CSNK1G1: variants seen among roughly 807,000 people sequenced by gnomAD.
The protein encoded by CSNK1G1 is casein kinase 1 gamma 1.
CSNK1G1 carries 22 observed loss-of-function variants against 59.6 expected under a neutral mutation model. The observed-to-expected ratio is 0.37, with a 90% CI of 0.26 to 0.53. CSNK1G1 has a LOEUF of 0.53. CSNK1G1 is among the 20% of genes least tolerant of loss of function. The probability of loss-of-function intolerance (pLI) is 0.89; values close to 1 mark genes in which losing one functional copy is unlikely to be tolerated. For synonymous variants in CSNK1G1, 179 were observed against 177.1 expected (o/e 1.01, Z -0.08); for missense variants, 384 against 519.5 (o/e 0.74, Z 2.54).
chr15:64,297,653 T>C (rs564286920), intron 2 of CSNK1G1, among the ~76,000 whole-genome samples: 5 of 151,582 alleles, frequency 3.3e-5, no homozygotes, highest in Middle Eastern at 3.4e-3. Context: ...GCTATGATCA[T>C]GCCACTGCAC....
chr15:64,259,485 C>T (rs1892574200), intron 2 of CSNK1G1, among the ~76,000 whole-genome samples: 1 of 82,054 alleles, frequency 1.2e-5, no homozygotes, highest in African/African-American at 6.7e-5. Context: ...ATCTCTCTTA[C>T]ACACACACAC....
At chr15:64,183,508 T>C (rs2081847976) in intron 10 of CSNK1G1, among the ~76,000 whole-genome samples, 1 of 152,176 alleles carries the variant, frequency 6.6e-6, no homozygotes, top group South Asian at 2.1e-4. Context: ...ACAAACACTG[T>C]GTAAGTGATG....
At chr15:64,219,047 G>A (rs1027806128) in intron 4 of CSNK1G1, among the ~76,000 whole-genome samples, 5 of 151,578 alleles carry the variant, frequency 3.3e-5, no homozygotes, top group Admixed American at 1.3e-4. Context: ...TAGAGACAGC[G>A]TTCCCCCATG....
At chr15:64,278,377 CGT>C (rs56064136) in intron 2 of CSNK1G1, among the ~76,000 whole-genome samples, 16,214 of 111,270 alleles carry the variant, frequency 0.15, 1,163 homozygotes, top group Middle Eastern at 0.22. Flanking sequence ...CATGTATGTG[CGT>C]GTGTGTGTGT....
At chr15:64,180,732 T>A (rs958282949) in intron 10 of CSNK1G1, among the ~76,000 whole-genome samples, 1 of 152,246 alleles carries the variant, frequency 6.6e-6, no homozygotes, top group Non-Finnish European at 1.5e-5. Context: ...AAAAATCTTA[T>A]GAAATAGGTT....
intron 10 of CSNK1G1, among the ~76,000 whole-genome samples, chr15:64,182,312 G>A (rs1441203680): frequency 6.6e-6 from 1 of 151,964 alleles, no homozygotes; most frequent in Non-Finnish European, 1.5e-5. Context: ...ACCTCAGGTT[G>A]TCCACCTGCC....
At chr15:64,317,203 T>G (rs756129702) in intron 1 of CSNK1G1, among the ~76,000 whole-genome samples, 21 of 152,236 alleles carry the variant, frequency 1.4e-4, no homozygotes, top group Non-Finnish European at 2.9e-4. Flanking sequence ...ATTTTCCTGC[T>G]TCAGCCTCCT....
intron 6 of CSNK1G1, 103 bp downstream of exon 6, chr15:64,213,787 C>T (rs1429502083): frequency 1.2e-6 from 1 of 812,908 alleles, no homozygotes; most frequent in East Asian, 2.5e-5. Flanking sequence ...CCTTGTGAAA[C>T]AATAAAAACC....
At chr15:64,278,378 G>C (rs556997970) in intron 2 of CSNK1G1, among the ~76,000 whole-genome samples, 6 of 28,212 alleles carry the variant, frequency 2.1e-4, no homozygotes, top group Non-Finnish European at 4.0e-4. Flanking sequence ...ATGTATGTGC[G>C]TGTGTGTGTG....
intron 2 of CSNK1G1, among the ~76,000 whole-genome samples, chr15:64,294,128 A>G (rs1050318912): frequency 6.6e-5 from 10 of 152,300 alleles, no homozygotes; most frequent in African/African-American, 1.9e-4. Context: ...GCTGGAGTGC[A>G]GTGGTGCAGT....
intron 1 of CSNK1G1, among the ~76,000 whole-genome samples, chr15:64,330,411 C>T (rs1360439836): frequency 1.3e-5 from 2 of 151,310 alleles, no homozygotes; most frequent in East Asian, 1.9e-4. Context: ...ATAAACAGAG[C>T]CAAAGACAAA....
chr15:64,276,360 G>C (rs1176102916), intron 2 of CSNK1G1, among the ~76,000 whole-genome samples: 1 of 152,060 alleles, frequency 6.6e-6, no homozygotes, highest in Non-Finnish European at 1.5e-5. Context: ...AACTTCAAAG[G>C]CATATGATTT....
chr15:64,166,519 T>C lies in CSNK1G1; in HGVS notation c.*5412A>G, dbSNP rs2081604700. 1 of 152,980 alleles carries C rather than the reference T, an allele frequency of 6.5e-6. No individual in the cohort carries two copies. Among genetic ancestry groups the C allele is most frequent in the Non-Finnish European group, 1.5e-5 (1 of 68,458 alleles). The allele number at this position is 152,980 out of a possible 1,614,324, so 9.5% of individuals were successfully genotyped here. A position where few individuals can be genotyped will look rare whatever the true frequency, so the allele number is the denominator to read the frequency against. The stretch of plus-strand genomic sequence containing the variant: ...GGGCTGGGTCTTTATGGAAGTGAAA[T>C]GCACATAGATGAACACACGCACTCA... On this transcript the variant is annotated 3_prime_UTR_variant, in exon 12 of 12. Transcript: ENST00000303052. The surrounding 1 kb of genome is among the most constrained non-coding windows in gnomAD (Gnocchi z 4.5).
In CSNK1G1 at chr15:64,186,541, G is replaced by T. The variant is rs28630521; in HGVS notation, c.1108-6087C>A. 6.5e-3 allele frequency among the ~76,000 whole-genome samples: 990 copies of T among 152,288 alleles called. 8 individuals carry two copies. The highest frequency in any genetic ancestry group is 0.021 in the African/African-American group (883 of 41,564). On this transcript the variant is annotated intron_variant, in intron 10 of 11. Coordinates refer to ENST00000303052, the MANE Select transcript of CSNK1G1 (RefSeq NM_022048.5). ...TTTTGTTTTAAAGAGACAGGGTCTT[G>T]CTCTGTCACCCAGGCTGAAATGCAG...
chr15:64,203,479 C>T (rs1173825638), intron 9 of CSNK1G1, among the ~76,000 whole-genome samples: 2 of 152,004 alleles, frequency 1.3e-5, no homozygotes, highest in East Asian at 3.9e-4. Context: ...GAGTGGATCA[C>T]CTGAGGTCAG....
At chr15:64,312,399 A>T (rs1002754875) in intron 1 of CSNK1G1, among the ~76,000 whole-genome samples, 3 of 152,236 alleles carry the variant, frequency 2.0e-5, no homozygotes, top group African/African-American at 7.2e-5. Context: ...ACTGGGACCA[A>T]AACAGATATA....
intron 4 of CSNK1G1, among the ~76,000 whole-genome samples, chr15:64,219,805 C>T (rs1319943193): frequency 2.2e-5 from 3 of 136,118 alleles, no homozygotes; most frequent in Non-Finnish European, 4.6e-5. Context: ...GACAGAGTCT[C>T]GCTCTGTTGC....
chr15:64,296,667 C>T (rs1404693835), intron 2 of CSNK1G1, among the ~76,000 whole-genome samples: 1 of 151,892 alleles, frequency 6.6e-6, no homozygotes, highest in African/African-American at 2.4e-5. Flanking sequence ...GAGTTCGAGA[C>T]CAGCCTGGCC....
chr15:64,199,471 T>C (rs780239241), intron 10 of CSNK1G1, among the ~76,000 whole-genome samples: 1 of 152,180 alleles, frequency 6.6e-6, no homozygotes. Flanking sequence ...TTTTCAATCA[T>C]CTCTTTTCCT....
Sources: allele counts gnomAD v4.1 joint callset (sites outside exome capture counted in the v4.1 genomes callset), GRCh38; gene constraint gnomAD v4.1.1; non-coding constraint Gnocchi (gnomAD v3.1); transcripts MANE v1.5; gene names NCBI Gene and HGNC (gene_info 2026-07-23, HGNC 2026-07-21).